Variants in UBE2F observed in about 807,000 individuals in gnomAD.
The protein encoded by UBE2F is ubiquitin conjugating enzyme E2 F (putative).
Under a neutral mutation model 29.6 loss-of-function variants are expected in UBE2F, and 5 were observed. That is an observed-to-expected ratio of 0.17 (90% CI 0.09 to 0.36). The LOEUF is 0.36. UBE2F is among the 10% of genes least tolerant of loss of function. The pLI, the probability that UBE2F is intolerant of heterozygous loss-of-function variation, is 1.00. For synonymous variants in UBE2F, 66 were observed against 81.8 expected (o/e 0.81, Z 1.04); for missense variants, 141 against 228.5 (o/e 0.62, Z 2.47).
intron 4 of UBE2F, among the ~76,000 whole-genome samples, chr2:237,995,654 T>C (rs1301242037): frequency 6.6e-6 from 1 of 152,200 alleles, no homozygotes; most frequent in East Asian, 1.9e-4. Flanking sequence ...TAGGTGGCAA[T>C]GAACCCACAA....
Position 238,002,356 on chromosome 2 carries a change from T to G in UBE2F, c.214+7547T>G, listed in dbSNP as rs1384141610. Among the ~76,000 whole-genome samples, 4 of 152,246 alleles carry G rather than the reference T, an allele frequency of 2.6e-5. No individual in the cohort carries two copies. In the East Asian group the frequency reaches 7.7e-4, roughly 29 times the overall value. ...CATATGTATACATGTGCCATGCTGG[T>G]GCGCTGCACCCACTAACTCATCATC... On this transcript the variant is annotated intron_variant, in intron 4 of 9. Coordinates refer to ENST00000272930, the MANE Select transcript of UBE2F (RefSeq NM_080678.3).
chr2:238,038,763 G>A (rs1017879123), intron 9 of UBE2F, among the ~76,000 whole-genome samples: 1 of 152,202 alleles, frequency 6.6e-6, no homozygotes, highest in South Asian at 2.1e-4. Flanking sequence ...CCCCGTCTCC[G>A]TGCGGAGTCA....
chr2:238,027,615 T>G (rs902475040), intron 6 of UBE2F, among the ~76,000 whole-genome samples: 4 of 152,206 alleles, frequency 2.6e-5, no homozygotes, highest in Non-Finnish European at 4.4e-5. Context: ...CCCTTGGACT[T>G]GTCAGCTGCA....
intron 1 of UBE2F, among the ~76,000 whole-genome samples, chr2:237,971,466 G>A (rs2063174848): frequency 6.6e-6 from 1 of 152,200 alleles, no homozygotes; most frequent in South Asian, 2.1e-4. Context: ...GGGACTACAG[G>A]TGTGGGCCAC....
intron 9 of UBE2F, 133 bp from the exon 10 acceptor site, chr2:238,041,148 AAGGTCCC>A (rs2064830603): frequency 1.3e-6 from 1 of 756,104 alleles, no homozygotes; most frequent in Non-Finnish European, 2.3e-6. Flanking sequence ...CAGACTCCGC[AAGGTCCC>A]AGTCCTTCTA....
At chr2:237,997,701 G>A (rs922368146) in intron 4 of UBE2F, among the ~76,000 whole-genome samples, 1 of 152,196 alleles carries the variant, frequency 6.6e-6, no homozygotes, top group Admixed American at 6.5e-5. Context: ...TGCATTTTCA[G>A]CTCACACCTC....
At chr2:237,981,815 C>T (rs934842560) in intron 2 of UBE2F, among the ~76,000 whole-genome samples, 1 of 151,674 alleles carries the variant, frequency 6.6e-6, no homozygotes, top group Non-Finnish European at 1.5e-5. Flanking sequence ...TTTGTAGAGA[C>T]AAGGTTTCGC....
chr2:238,007,933 TG>T (rs1413335506), intron 4 of UBE2F, among the ~76,000 whole-genome samples: 1 of 152,142 alleles, frequency 6.6e-6, no homozygotes, highest in African/African-American at 2.4e-5. Context: ...TGGAAGAGTT[TG>T]TGTAAAATTA....
chr2:237,978,541 C>G (rs1056832033), intron 2 of UBE2F, among the ~76,000 whole-genome samples: 3 of 152,200 alleles, frequency 2.0e-5, no homozygotes, highest in Non-Finnish European at 4.4e-5. Context: ...TTGGAGTGGC[C>G]GGCCATGGGG....
chr2:238,017,464 T>C (rs1394296454), intron 5 of UBE2F, among the ~76,000 whole-genome samples: 1 of 151,470 alleles, frequency 6.6e-6, no homozygotes, highest in Non-Finnish European at 1.5e-5. Flanking sequence ...AGAATTGGAG[T>C]TGGGGAAGAA....
intron 4 of UBE2F, among the ~76,000 whole-genome samples, chr2:237,996,242 C>A (rs985495431): frequency 6.6e-6 from 1 of 152,134 alleles, no homozygotes; most frequent in East Asian, 1.9e-4. Context: ...AAGATTGGTT[C>A]TCTGTTTACT....
At chr2:238,036,334 C>T (rs959267993) in intron 9 of UBE2F, among the ~76,000 whole-genome samples, 9 of 152,056 alleles carry the variant, frequency 5.9e-5, no homozygotes, top group Non-Finnish European at 1.3e-4. Flanking sequence ...ACACCACATT[C>T]AGCTAATTTT....
At chr2:237,973,693 G>A (rs1033716652) in intron 2 of UBE2F, 31 of 1,301,664 alleles carry the variant, frequency 2.4e-5, no homozygotes, top group South Asian at 7.4e-5. Flanking sequence ...TTCTCTTCAC[G>A]GAATTAATAA....
intron 2 of UBE2F, among the ~76,000 whole-genome samples, chr2:237,975,209 C>G (rs2063256575): frequency 6.6e-6 from 1 of 152,088 alleles, no homozygotes; most frequent in African/African-American, 2.4e-5. Context: ...TCAGGCGATC[C>G]TGTCACCTCA....
At chr2:238,035,740 T>A in intron 8 of UBE2F, 138 bp from the exon 9 acceptor site, 1 of 633,260 alleles carries the variant, frequency 1.6e-6, no homozygotes, top group Non-Finnish European at 2.8e-6. Flanking sequence ...AGCACTTGAG[T>A]TCTTAGTGGG....
At chr2:237,981,128 G>A (rs1385843110) in intron 2 of UBE2F, among the ~76,000 whole-genome samples, 2 of 152,218 alleles carry the variant, frequency 1.3e-5, no homozygotes, top group African/African-American at 2.4e-5. Context: ...GACTTGAGCA[G>A]TTTTAAAAGT....
Position 238,041,415 on chromosome 2 carries a change from C to G in UBE2F, c.*77C>G, listed in dbSNP as rs2064835673. ...ATGAAACAGCAAGAGGTAGCCCCCTCTCCCGTCCTCATGCTCCCTCTCAGT... is the reference window on the plus strand; with the variant it reads ...ATGAAACAGCAAGAGGTAGCCCCCTGTCCCGTCCTCATGCTCCCTCTCAGT... On this transcript the variant is annotated 3_prime_UTR_variant, in exon 10 of 10. Transcript: ENST00000272930. 6.7e-7 allele frequency: 1 copy of G among 1,496,830 alleles called. No individual in the cohort carries two copies. The highest frequency in any genetic ancestry group is 9.3e-7 in the Non-Finnish European group (1 of 1,077,006). The allele number at this position is 1,496,830 out of a possible 1,614,324, so 92.7% of individuals were successfully genotyped here.
intron 3 of UBE2F, among the ~76,000 whole-genome samples, chr2:237,993,636 C>T (rs2063632489): frequency 2.0e-5 from 3 of 152,264 alleles, no homozygotes; most frequent in South Asian, 4.1e-4. Flanking sequence ...TCACCTGAGC[C>T]TTGGAGGCAG....
intron 6 of UBE2F, 57 bp from the exon 7 acceptor site, chr2:238,030,499 G>C: frequency 7.7e-7 from 1 of 1,297,094 alleles, no homozygotes; most frequent in South Asian, 1.2e-5. Context: ...CTAGTTGGCA[G>C]CGTGCAGGGC....
Sources: gnomAD v4.1 joint callset for allele counts (sites outside exome capture counted in the v4.1 genomes callset) on GRCh38, gnomAD v4.1.1 for gene constraint, MANE v1.5 for transcripts, NCBI Gene and HGNC (gene_info 2026-07-23, HGNC 2026-07-21) for gene names.